The following PTBP3 variants were observed in gnomAD, a reference collection of about 807,000 sequenced individuals.
PTBP3 encodes polypyrimidine tract-binding protein 3.
PTBP3 carries 20 observed loss-of-function variants against 58.7 expected under a neutral mutation model. The ratio of observed to expected loss-of-function variants is 0.34; its 90% CI spans 0.24 to 0.50. PTBP3 has a LOEUF of 0.50. Among genes scored for constraint, PTBP3 ranks in the 20% least tolerant of loss-of-function variants. The pLI, the probability that PTBP3 is intolerant of heterozygous loss-of-function variation, is 0.98. For missense variants in PTBP3, 509 were observed against 637.2 expected (o/e 0.80, Z 2.17); for synonymous variants, 185 against 219.8 (o/e 0.84, Z 1.40).
chr9:112,238,270 A>G (rs556637082), intron 7 of PTBP3, among the ~76,000 whole-genome samples: 5 of 152,336 alleles, frequency 3.3e-5, no homozygotes, highest in Non-Finnish European at 4.4e-5. Context: ...AATGAACCAA[A>G]TAAAATTTCT....
chr9:112,230,574 A>G (rs568773704), intron 10 of PTBP3, among the ~76,000 whole-genome samples: 114 of 152,326 alleles, frequency 7.5e-4, no homozygotes, highest in African/African-American at 2.5e-3. Context: ...CCCTGCATTT[A>G]GATTATATAT....
At chr9:112,247,338 A>G (rs1042287952) in intron 7 of PTBP3, among the ~76,000 whole-genome samples, 5 of 151,950 alleles carry the variant, frequency 3.3e-5, no homozygotes, top group Admixed American at 3.3e-4. Context: ...GACACAGAAT[A>G]AAGAAGTGTT....
At chr9:112,345,341 T>TA in the PTBP3 span, among the ~76,000 whole-genome samples, 4,535 of 63,478 alleles carry the variant, frequency 0.071, 260 homozygotes, top group Non-Finnish European at 0.099. Context: ...CCCTCATCTC[T>TA]AAAAAAAAAA....
the PTBP3 span, among the ~76,000 whole-genome samples, chr9:112,363,721 A>G: frequency 1.3e-5 from 2 of 152,296 alleles, no homozygotes; most frequent in South Asian, 2.1e-4. Context: ...TTGATTTTTT[A>G]GAAGAGTGCT....
chr9:112,259,082 G>A (rs752550402), intron 5 of PTBP3, among the ~76,000 whole-genome samples: 2 of 152,110 alleles, frequency 1.3e-5, no homozygotes, highest in Non-Finnish European at 1.5e-5. Context: ...CTCCTGAGTA[G>A]CTGGGACTAC....
In PTBP3 at chr9:112,219,507, C is replaced by T. The variant is rs1378058395; in HGVS notation, c.*4344G>A. 4.6e-5 allele frequency: 7 copies of T among 152,492 alleles called. No individual in the cohort carries two copies. In the East Asian group the frequency reaches 5.8e-4, roughly 13 times the overall value. 9.4% of individuals were successfully genotyped at this position (152,492 alleles called of 1,614,324 possible). On this transcript the variant is annotated 3_prime_UTR_variant, in exon 14 of 14. Transcript: ENST00000374257. Reference sequence around the variant, plus strand: ...AGACAAATATCCCTGTTCTCTGGAACATATGCCTCAGGTTACAAAAACTAA... The same window carrying T: ...AGACAAATATCCCTGTTCTCTGGAATATATGCCTCAGGTTACAAAAACTAA...
At chr9:112,334,096 C>T (rs1484066446), upstream of PTBP3, among the ~76,000 whole-genome samples, 1 of 151,824 alleles carries the variant, frequency 6.6e-6, no homozygotes, top group African/African-American at 2.4e-5. Context: ...GGAATTGCCC[C>T]GGGTGCGCGA....
In PTBP3 at chr9:112,275,767, C is replaced by T. The variant is rs1053561945; in HGVS notation, c.204+77G>A. ...ATGAAATTTTAAAAATACAGAAAAGCTCAAGAAAATAAAAATTATCAGTAA... is the reference window on the plus strand; with the variant it reads ...ATGAAATTTTAAAAATACAGAAAAGTTCAAGAAAATAAAAATTATCAGTAA... On this transcript the variant is annotated intron_variant, in intron 3 of 13. Coordinates refer to ENST00000374257, the MANE Select transcript of PTBP3 (RefSeq NM_001163788.4). 6 of 1,304,698 alleles carry T rather than the reference C, an allele frequency of 4.6e-6. 1 individual carries two copies. The Admixed American group carries it at 1.6e-4, about 35-fold the overall frequency. 80.8% of individuals were successfully genotyped at this position (1,304,698 alleles called of 1,614,324 possible). A position where few individuals can be genotyped will look rare whatever the true frequency, so the allele number is the denominator to read the frequency against.
the PTBP3 span, among the ~76,000 whole-genome samples, chr9:112,378,563 G>GAT: frequency 6.6e-6 from 1 of 152,198 alleles, no homozygotes; most frequent in African/African-American, 2.4e-5. Flanking sequence ...CTATTCGACA[G>GAT]ATATATACAC....
chr9:112,231,967 G>GAAA, intron 9 of PTBP3, 132 bp downstream of exon 9: 1 of 183,532 alleles, frequency 5.4e-6, no homozygotes, highest in South Asian at 9.6e-5. Flanking sequence ...GAGAAGAGAA[G>GAAA]AGAGAAGAGA....
intron 2 of PTBP3, among the ~76,000 whole-genome samples, chr9:112,287,125 C>A (rs957958388): frequency 1.3e-5 from 2 of 152,006 alleles, no homozygotes; most frequent in Non-Finnish European, 2.9e-5. Context: ...GTGTGGTTTC[C>A]GTTGTGTTTA....
In PTBP3 at chr9:112,302,502, G is replaced by T. The variant is rs145671861; in HGVS notation, c.-51-4586C>A. ...AGAGACACTTGAGATTACCAGAAAG[G>T]CACCTAGACGAGGTGTTAAACTGTT... On this transcript the variant is annotated intron_variant, in intron 1 of 13. Coordinates refer to ENST00000374257, the MANE Select transcript of PTBP3 (RefSeq NM_001163788.4). Among the ~76,000 whole-genome samples the T allele has an allele frequency of 1.6e-3, 237 of 151,502 alleles. 1 individual carries two copies. The highest frequency in any genetic ancestry group is 5.6e-3 in the African/African-American group (230 of 41,374).
At chr9:112,249,471 C>G (rs953296901) in intron 7 of PTBP3, among the ~76,000 whole-genome samples, 1 of 151,506 alleles carries the variant, frequency 6.6e-6, no homozygotes, top group African/African-American at 2.4e-5. Flanking sequence ...GTTTCAGAGG[C>G]CAAAAGAAAA....
At chr9:112,283,601 G>A (rs1277379465) in intron 2 of PTBP3, among the ~76,000 whole-genome samples, 2 of 152,230 alleles carry the variant, frequency 1.3e-5, no homozygotes, top group East Asian at 3.8e-4. Context: ...GCCTGACCAT[G>A]TGGTAGAAAA....
In PTBP3 at chr9:112,221,430, GC is replaced by G. The variant is rs1359330540; in HGVS notation, c.*2420del. 1.0e-6 allele frequency: 1 copy of G among 985,488 alleles called. No homozygotes were observed. 61.0% of individuals were successfully genotyped at this position (985,488 alleles called of 1,614,324 possible). A position where few individuals can be genotyped will look rare whatever the true frequency, so the allele number is the denominator to read the frequency against. Reference sequence around the variant, plus strand: ...TTATTAGCAACTTTGCTACACTTATGCTGAATGTTATGAGAATCATGAATTA... The same window carrying G: ...TTATTAGCAACTTTGCTACACTTATGTGAATGTTATGAGAATCATGAATTA... On this transcript the variant is annotated 3_prime_UTR_variant, in exon 14 of 14. Transcript: ENST00000374257.
At chr9:112,261,345 C>T (rs997179757) in intron 5 of PTBP3, among the ~76,000 whole-genome samples, 9 of 152,216 alleles carry the variant, frequency 5.9e-5, no homozygotes, top group African/African-American at 2.2e-4. Flanking sequence ...ATGCATGGCA[C>T]AGCACTTTAC....
At chr9:112,379,106 T>C in the PTBP3 span, among the ~76,000 whole-genome samples, 3 of 152,174 alleles carry the variant, frequency 2.0e-5, no homozygotes, top group Non-Finnish European at 4.4e-5. Context: ...GGAGAATCAC[T>C]TGAACCCGGG....
chr9:112,315,003 T>C (rs1230543829), intron 1 of PTBP3, among the ~76,000 whole-genome samples: 2 of 152,076 alleles, frequency 1.3e-5, no homozygotes, highest in Non-Finnish European at 2.9e-5. Flanking sequence ...GGCTAATTTT[T>C]TGTATTTTTA....
At chr9:112,297,993 CTAA>C in intron 1 of PTBP3, 77 bp from the exon 2 acceptor site, 1 of 1,165,876 alleles carries the variant, frequency 8.6e-7, no homozygotes, top group Non-Finnish European at 1.3e-6. Context: ...GTATTAAAAG[CTAA>C]TAATATTACT....
Sources: gnomAD v4.1 joint callset for allele counts (sites outside exome capture counted in the v4.1 genomes callset) on GRCh38, gnomAD v4.1.1 for gene constraint, MANE v1.5 for transcripts, NCBI Gene and HGNC (gene_info 2026-07-23, HGNC 2026-07-21) for gene names.